OTUD7A: variants seen among roughly 807,000 people sequenced by gnomAD.
OTUD7A encodes the protein OTU domain-containing protein 7A.
A neutral mutation model predicts 65.7 loss-of-function variants in OTUD7A; 12 were observed. The ratio of observed to expected loss-of-function variants is 0.18; its 90% CI spans 0.12 to 0.30. The LOEUF (loss-of-function observed/expected upper bound fraction) is 0.30. Ranked by LOEUF, OTUD7A falls within the 10% of genes least tolerant of loss-of-function variation. The probability of loss-of-function intolerance (pLI) is 1.00; values close to 1 mark genes in which losing one functional copy is unlikely to be tolerated. For missense variants in OTUD7A, 1,148 were observed against 1,304.8 expected (o/e 0.88, Z 1.85); for synonymous variants, 641 against 586.3 (o/e 1.09, Z -1.35).
At chr15:31,830,901 T>C (rs1375293633) in intron 1 of OTUD7A, among the ~76,000 whole-genome samples, 1 of 152,180 alleles carries the variant, frequency 6.6e-6, no homozygotes, top group Admixed American at 6.5e-5. Flanking sequence ...GCTGAGAACA[T>C]GGGATAGAAG....
At chr15:31,610,629 T>TTTTTC (rs1890387993) in intron 3 of OTUD7A, among the ~76,000 whole-genome samples, 1 of 101,198 alleles carries the variant, frequency 9.9e-6, no homozygotes, top group East Asian at 3.3e-4. Flanking sequence ...TTTTTTTTTT[T>TTTTTC]TTTTTTTTTT....
At chr15:31,601,136 C>T (rs1415156729) in intron 3 of OTUD7A, among the ~76,000 whole-genome samples, 1 of 152,170 alleles carries the variant, frequency 6.6e-6, no homozygotes, top group African/African-American at 2.4e-5. Flanking sequence ...GAACTCTCCA[C>T]CCCAAATCGA....
chr15:31,643,524 G>C (rs569027249), intron 3 of OTUD7A, among the ~76,000 whole-genome samples: 1 of 152,258 alleles, frequency 6.6e-6, no homozygotes, highest in Non-Finnish European at 1.5e-5. Context: ...CAGCATGTCA[G>C]TATGTACCTT....
chr15:31,597,101 T>C (rs1403427303), intron 3 of OTUD7A, among the ~76,000 whole-genome samples: 1 of 74,474 alleles, frequency 1.3e-5, no homozygotes, highest in Non-Finnish European at 2.4e-5. Context: ...GTTTTTTTTC[T>C]TTTTTTTGTA....
intron 1 of OTUD7A, among the ~76,000 whole-genome samples, chr15:31,850,937 C>T (rs1239130160): frequency 6.6e-6 from 1 of 152,162 alleles, no homozygotes; most frequent in Non-Finnish European, 1.5e-5. Flanking sequence ...AGCCAACAGA[C>T]ACAGAAACAG....
intron 8 of OTUD7A, among the ~76,000 whole-genome samples, chr15:31,523,103 C>T (rs546099044): frequency 1.3e-5 from 2 of 152,340 alleles, no homozygotes; most frequent in Admixed American, 6.5e-5. Flanking sequence ...TTCCTATTCC[C>T]GGGTGGCACC....
intron 1 of OTUD7A, among the ~76,000 whole-genome samples, chr15:31,731,052 C>T (rs1894027929): frequency 6.6e-6 from 1 of 152,192 alleles, no homozygotes; most frequent in African/African-American, 2.4e-5. Flanking sequence ...TCTCTTGGGT[C>T]TCAGGGGATG....
intron 5 of OTUD7A, among the ~76,000 whole-genome samples, chr15:31,547,318 A>G (rs1318316443): frequency 6.6e-6 from 1 of 152,250 alleles, no homozygotes; most frequent in African/African-American, 2.4e-5. Flanking sequence ...TAAAACTGTG[A>G]CTACATATTG....
chr15:31,487,076 C>A lies in OTUD7A; in HGVS notation c.1371+118G>T. The stretch of plus-strand genomic sequence containing the variant: ...GGGCTGTGGGTATGGCTGGGGTGGG[C>A]GGCCGGGCAGGGGCAGGCAAGAGTG... On this transcript the variant is annotated intron_variant, in intron 12 of 12. Coordinates refer to ENST00000307050, the MANE Select transcript of OTUD7A (RefSeq NM_001382637.1). The surrounding 1 kb of genome is among the most constrained non-coding windows in gnomAD (Gnocchi z 6.0). The A allele has an allele frequency of 1.0e-6, 1 of 981,504 alleles. No individual in the cohort carries two copies. The allele number at this position is 981,504 out of a possible 1,614,324, so 60.8% of individuals were successfully genotyped here.
intron 8 of OTUD7A, among the ~76,000 whole-genome samples, chr15:31,524,054 G>C (rs2041974904): frequency 6.6e-6 from 1 of 152,152 alleles, no homozygotes; most frequent in African/African-American, 2.4e-5. Context: ...AAAGGTTCCA[G>C]GTAACCCAAG....
intron 8 of OTUD7A, among the ~76,000 whole-genome samples, chr15:31,513,060 G>A (rs560737616): frequency 5.9e-5 from 9 of 152,174 alleles, no homozygotes; most frequent in East Asian, 1.9e-4. Context: ...TAGTGGAGAC[G>A]GGTTTTCACC....
chr15:31,515,305 C>T (rs1007442154), intron 8 of OTUD7A, among the ~76,000 whole-genome samples: 1 of 152,118 alleles, frequency 6.6e-6, no homozygotes, highest in Non-Finnish European at 1.5e-5. Context: ...ATCTTCACTT[C>T]CTGGCAGAAC....
chr15:31,501,625 T>A, intron 10 of OTUD7A, 65 bp downstream of exon 10: 1 of 1,595,764 alleles, frequency 6.3e-7, no homozygotes, highest in Non-Finnish European at 8.6e-7. Flanking sequence ...TGCAATGGGG[T>A]CCCTTCTGAT....
chr15:31,639,114 TAA>T (rs113978296), intron 3 of OTUD7A, among the ~76,000 whole-genome samples: 2 of 145,180 alleles, frequency 1.4e-5, no homozygotes, highest in Admixed American at 6.9e-5. Flanking sequence ...AGCCTCTGTC[TAA>T]AAAAAAAAAA....
At chr15:31,628,785 G>A (rs1336709929) in intron 3 of OTUD7A, among the ~76,000 whole-genome samples, 1 of 152,104 alleles carries the variant, frequency 6.6e-6, no homozygotes, top group Non-Finnish European at 1.5e-5. Flanking sequence ...GTGGTTTGTA[G>A]TTCTCCTTGA....
At chr15:31,642,465 A>G (rs2141263433) in intron 3 of OTUD7A, among the ~76,000 whole-genome samples, 1 of 152,174 alleles carries the variant, frequency 6.6e-6, no homozygotes, top group East Asian at 1.9e-4. Context: ...AGCTGGTATA[A>G]TTTTTTCTTT....
intron 1 of OTUD7A, among the ~76,000 whole-genome samples, chr15:31,745,296 T>C (rs7165821): frequency 0.074 from 11,295 of 152,114 alleles, 1,006 homozygotes; most frequent in African/African-American, 0.22. Context: ...AGAGTTACTA[T>C]AAAGCTACAG....
At chr15:31,786,022 T>A (rs1323457173) in intron 1 of OTUD7A, among the ~76,000 whole-genome samples, 1 of 151,950 alleles carries the variant, frequency 6.6e-6, no homozygotes, top group Non-Finnish European at 1.5e-5. Flanking sequence ...ATTAATGGGT[T>A]ATCATGGGAG....
intron 1 of OTUD7A, chr15:31,766,012 G>C (rs1180242979): frequency 3.5e-5 from 55 of 1,553,836 alleles, no homozygotes; most frequent in Non-Finnish European, 4.7e-5. Context: ...GCACTAATCT[G>C]CTTACCGTAT....
Sources: allele counts gnomAD v4.1 joint callset (sites outside exome capture counted in the v4.1 genomes callset), GRCh38; gene constraint gnomAD v4.1.1; non-coding constraint Gnocchi (gnomAD v3.1); transcripts MANE v1.5; gene names NCBI Gene and HGNC (gene_info 2026-07-23, HGNC 2026-07-21).